The following DMD variants were observed in gnomAD, a reference collection of about 807,000 sequenced individuals.
The protein encoded by DMD is dystrophin, also known as mutant dystrophin.
Under a neutral mutation model 330.1 loss-of-function variants are expected in DMD, and 63 were observed. That is an observed-to-expected ratio of 0.19 (90% CI 0.16 to 0.24). The LOEUF (loss-of-function observed/expected upper bound fraction) is 0.24. Among genes scored for constraint, DMD ranks in the 10% least tolerant of loss-of-function variants. DMD has a pLI of 1.00. For missense variants in DMD, 3,344 were observed against 2,684.1 expected, an observed-to-expected ratio of 1.25 and a Z score of -5.43; for synonymous variants, 1,223 against 959.8, an observed-to-expected ratio of 1.27 and a Z score of -5.07.
intron 1 of DMD, among the ~76,000 whole-genome samples, chrX:33,303,496 A>C (rs1480809114): frequency 9.0e-6 from 1 of 111,277 alleles, no homozygotes; most frequent in African/African-American, 3.3e-5. Context: ...GAAGAATTAC[A>C]AATGGATTAT....
chrX:31,860,403 T>C (rs1268223022), intron 48 of DMD, among the ~76,000 whole-genome samples: 2 of 111,911 alleles, frequency 1.8e-5, no homozygotes, highest in African/African-American at 6.5e-5. Context: ...CTATTGGGTT[T>C]GTTTCTTGTA....
intron 43 of DMD, among the ~76,000 whole-genome samples, chrX:32,246,581 TC>T (rs1354231711): frequency 1.2e-5 from 1 of 86,700 alleles, no homozygotes; most frequent in Non-Finnish European, 2.3e-5. Context: ...CGGCTGTGAA[TC>T]CATCTGGTCC....
intron 41 of DMD, among the ~76,000 whole-genome samples, chrX:32,328,650 T>C (rs2097663823): frequency 9.1e-6 from 1 of 109,574 alleles, no homozygotes; most frequent in Non-Finnish European, 1.9e-5. Context: ...AAGTTGGTGG[T>C]TTACGGACAT....
intron 44 of DMD, among the ~76,000 whole-genome samples, chrX:32,095,197 T>C (rs2096497445): frequency 9.0e-6 from 1 of 111,555 alleles, no homozygotes; most frequent in Non-Finnish European, 1.9e-5. Flanking sequence ...TTTTGAATCA[T>C]CGTCCACTGC....
At chrX:33,211,218 T>G in intron 1 of DMD, 64 bp downstream of exon 1, 15 of 1,163,331 alleles carry the variant, frequency 1.3e-5, no homozygotes, top group South Asian at 1.9e-5. Context: ...ACCTAATTAG[T>G]GAGCTTGTCA....
intron 63 of DMD, among the ~76,000 whole-genome samples, chrX:31,234,637 CAA>C (rs1467129687): frequency 8.9e-6 from 1 of 111,828 alleles, no homozygotes; most frequent in African/African-American, 3.3e-5. Context: ...TTGGGGAAAA[CAA>C]AAAGATTATT....
At chrX:31,726,396 AT>A (rs1190929753) in intron 52 of DMD, among the ~76,000 whole-genome samples, 1 of 112,359 alleles carries the variant, frequency 8.9e-6, no homozygotes, top group Non-Finnish European at 1.9e-5. Context: ...AGAAAGAAAA[AT>A]GTTTCAATAT....
At chrX:32,035,069 T>G (rs931443821) in intron 44 of DMD, among the ~76,000 whole-genome samples, 2 of 111,803 alleles carry the variant, frequency 1.8e-5, no homozygotes, top group African/African-American at 6.5e-5. Flanking sequence ...AATGTGATAT[T>G]GTCCATGTTC....
intron 62 of DMD, among the ~76,000 whole-genome samples, chrX:31,301,952 G>A (rs2054678031): frequency 1.8e-5 from 2 of 111,414 alleles, no homozygotes; most frequent in African/African-American, 6.5e-5. Flanking sequence ...CAGGCCAACT[G>A]TGTATTAATT....
chrX:32,390,176 G>T lies in DMD; in HGVS notation c.4239C>A (p.Ile1413=), dbSNP rs754159646. ...TCTCATGACTTGTCAAATCAGATTG[G>T]ATTTTCTGTTGGGAGGATAGCATTA... ...AAQMPQEAQK[I]QSDLTSHEIS... The change falls in exon 31 of 79, where the codon ATC becomes ATA. Residue 1413 remains isoleucine (I), a synonymous_variant. Transcript: ENST00000357033. 1 of 1,188,051 alleles carries T rather than the reference G, an allele frequency of 8.4e-7. No homozygotes were observed. Among genetic ancestry groups the T allele is most frequent in the African/African-American group, 1.7e-5 (1 of 57,353 alleles).
At chrX:32,587,294 C>CA (rs1437829999) in intron 13 of DMD, among the ~76,000 whole-genome samples, 1 of 111,234 alleles carries the variant, frequency 9.0e-6, no homozygotes, top group African/African-American at 3.3e-5. Flanking sequence ...CCCTTTGTAA[C>CA]CTGTGTGATA....
At chrX:32,537,930 A>G (rs1383822002) in intron 17 of DMD, among the ~76,000 whole-genome samples, 1 of 112,369 alleles carries the variant, frequency 8.9e-6, no homozygotes, top group Non-Finnish European at 1.9e-5. Flanking sequence ...ATAGTATCTC[A>G]TAGGACCAGT....
intron 55 of DMD, among the ~76,000 whole-genome samples, chrX:31,510,348 C>T (rs1453488166): frequency 9.0e-6 from 1 of 110,967 alleles, no homozygotes; most frequent in Non-Finnish European, 1.9e-5. Flanking sequence ...GGATATAATA[C>T]ACAGTAGTCA....
chrX:31,650,864 T>C (rs1235661842), intron 54 of DMD, among the ~76,000 whole-genome samples: 1 of 111,984 alleles, frequency 8.9e-6, no homozygotes, highest in Admixed American at 9.5e-5. Flanking sequence ...AGAAGATTCA[T>C]TTCAAGGAAG....
intron 21 of DMD, among the ~76,000 whole-genome samples, chrX:32,478,856 T>C (rs1240714552): frequency 9.0e-6 from 1 of 111,140 alleles, no homozygotes. Context: ...TTATAGGAAT[T>C]TTATCTAAGA....
intron 57 of DMD, among the ~76,000 whole-genome samples, chrX:31,489,331 C>T (rs997669582): frequency 9.0e-6 from 1 of 111,637 alleles, no homozygotes; most frequent in African/African-American, 3.3e-5. Flanking sequence ...CGTAGTTTCA[C>T]TATGTTGGCC....
chrX:31,216,254 T>C (rs1446015697), intron 64 of DMD, among the ~76,000 whole-genome samples: 2 of 112,349 alleles, frequency 1.8e-5, no homozygotes, highest in Non-Finnish European at 3.8e-5. Flanking sequence ...AGCTGGAGAA[T>C]GGAACCAATA....
chrX:33,042,180 A>G (rs2094312841), intron 1 of DMD, among the ~76,000 whole-genome samples: 1 of 111,994 alleles, frequency 8.9e-6, no homozygotes, highest in Admixed American at 9.5e-5. Context: ...CTATATGACT[A>G]AACACTGAGC....
At chrX:32,234,446 T>C (rs1053664703) in intron 43 of DMD, among the ~76,000 whole-genome samples, 6 of 111,388 alleles carry the variant, frequency 5.4e-5, no homozygotes, top group African/African-American at 1.6e-4. Flanking sequence ...TGCTGTACAA[T>C]GGAGTCATCC....
Sources: allele counts gnomAD v4.1 joint callset (sites outside exome capture counted in the v4.1 genomes callset), GRCh38; gene constraint gnomAD v4.1.1; transcripts MANE v1.5; gene names NCBI Gene and HGNC (gene_info 2026-07-23, HGNC 2026-07-21).